Variants in GIP observed in about 807,000 individuals in gnomAD.
GIP encodes the protein glucose-dependent insulinotropic polypeptide.
Under a neutral mutation model 18.1 loss-of-function variants are expected in GIP, and 16 were observed. The observed-to-expected ratio is 0.88, with a 90% CI of 0.60 to 1.34. The LOEUF (loss-of-function observed/expected upper bound fraction) is 1.34. Among genes scored for constraint, GIP ranks in the 40% most tolerant of loss-of-function variants. GIP has a pLI of 0.00. For missense variants in GIP, 192 were observed against 183.4 expected (o/e 1.05, Z -0.27); for synonymous variants, 76 against 74.0 (o/e 1.03, Z -0.14).
In GIP at chr17:48,958,569, C is replaced by T; in HGVS notation, c.*138G>A. The T allele has an allele frequency of 1.4e-6, 1 of 701,966 alleles. No individual in the cohort carries two copies. Among genetic ancestry groups the T allele is most frequent in the Non-Finnish European group, 2.6e-6 (1 of 389,588 alleles). The allele number at this position is 701,966 out of a possible 1,614,324, so 43.5% of individuals were successfully genotyped here. A position where few individuals can be genotyped will look rare whatever the true frequency, so the allele number is the denominator to read the frequency against. ...ACATGCCCTGTTAGTGCTCAGTAGT[C>T]ATTTTAATAAATTTTCACAATGGGC... is the stretch of plus-strand genomic sequence containing the variant. On this transcript the variant is annotated 3_prime_UTR_variant, in exon 6 of 6. Coordinates refer to ENST00000357424, the MANE Select transcript of GIP (RefSeq NM_004123.3).
At position 48,960,908 on chromosome 17, in the gene GIP, G is replaced by A; in HGVS notation, c.430C>T (p.Gln144Ter). The A allele has an allele frequency of 1.2e-6, 2 of 1,604,054 alleles. No homozygotes were observed. Among genetic ancestry groups the A allele is most frequent in the Non-Finnish European group, 1.7e-6 (2 of 1,174,940 alleles). Reference sequence around the variant, plus strand: ...TACCTGAGCCTGCAGAGGTTTGTCTGATCCAGCAAGCAGGCCAACAGCTCT... The same window carrying A: ...TACCTGAGCCTGCAGAGGTTTGTCTAATCCAGCAAGCAGGCCAACAGCTCT... ...IQELLACLLD[Q>*]TNLCRLRSR The change falls in exon 5 of 6, where the codon CAG (glutamine) becomes TAG (stop). Residue 144 changes from glutamine (Q) to a stop codon, truncating the protein, a stop_gained. Transcript: ENST00000357424. LOFTEE classifies it high-confidence loss of function.
chr17:48,964,215 C>T (rs1363462556), intron 3 of GIP, 95 bp downstream of exon 3: 7 of 803,028 alleles, frequency 8.7e-6, no homozygotes, highest in Non-Finnish European at 1.2e-5. Context: ...GGTTGTGCAT[C>T]ATGTGGCCTG....
chr17:48,963,347 C>T (rs902762693), intron 3 of GIP, among the ~76,000 whole-genome samples: 4 of 151,740 alleles, frequency 2.6e-5, no homozygotes, highest in African/African-American at 9.7e-5. Context: ...CAACATGGAA[C>T]CCCGTCTCTA....
At chr17:48,963,118 AG>A (rs2041210557) in intron 3 of GIP, among the ~76,000 whole-genome samples, 1 of 151,940 alleles carries the variant, frequency 6.6e-6, no homozygotes, top group African/African-American at 2.4e-5. Flanking sequence ...TCAAAAAAAA[AG>A]AAGTAAAGGA....
At chr17:48,964,785 C>T (rs1230376156) in intron 2 of GIP, among the ~76,000 whole-genome samples, 1 of 152,020 alleles carries the variant, frequency 6.6e-6, no homozygotes, top group Non-Finnish European at 1.5e-5. Flanking sequence ...CACCTGAGGT[C>T]GGGATCGAGA....
At chr17:48,966,385 A>G (rs1252034414) in intron 2 of GIP, among the ~76,000 whole-genome samples, 1 of 151,426 alleles carries the variant, frequency 6.6e-6, no homozygotes, top group East Asian at 1.9e-4. Context: ...GTGAAACCCC[A>G]TCTCTACTAA....
intron 2 of GIP, among the ~76,000 whole-genome samples, chr17:48,966,308 C>A (rs566656560): frequency 1.3e-5 from 2 of 148,880 alleles, no homozygotes; most frequent in Non-Finnish European, 3.0e-5. Context: ...TCAATCCCAG[C>A]GCTTTGGGAG....
chr17:48,967,152 G>A lies in GIP; in HGVS notation c.81C>T (p.His27=). 6.2e-7 allele frequency: 1 copy of A among 1,610,946 alleles called. No homozygotes were observed. Among genetic ancestry groups the A allele is most frequent in the East Asian group, 2.2e-5 (1 of 44,844 alleles). Residue 27 remains histidine (H), a synonymous_variant, in exon 2 of 6, where the codon CAC becomes CAT. Coordinates refer to ENST00000357424, the MANE Select transcript of GIP (RefSeq NM_004123.3). ...TTTCCTCTCACCACTCCTACCTGAAGTGACCCTCTTTCTTCTCTCCTAGTC... is the reference window on the plus strand; with the variant it reads ...TTTCCTCTCACCACTCCTACCTGAAATGACCCTCTTTCTTCTCTCCTAGTC... ...AVGLGEKKEG[H]FSALPSLPVG... is the part of the protein sequence containing the mutation.
intron 5 of GIP, among the ~76,000 whole-genome samples, chr17:48,959,640 A>C (rs2041188792): frequency 6.6e-6 from 1 of 152,226 alleles, no homozygotes; most frequent in Non-Finnish European, 1.5e-5. Flanking sequence ...TGAAGCCAGC[A>C]GTGGCCACAG....
chr17:48,967,667 C>G (rs2041242538), intron 1 of GIP, among the ~76,000 whole-genome samples: 1 of 151,486 alleles, frequency 6.6e-6, no homozygotes, highest in Non-Finnish European at 1.5e-5. Flanking sequence ...CAGTTTGGAC[C>G]TTTTCTAAGA....
At chr17:48,961,945 G>A in intron 3 of GIP, 126 bp from the exon 4 acceptor site, 1 of 675,848 alleles carries the variant, frequency 1.5e-6, no homozygotes. Context: ...ACCTAACAGT[G>A]GTCTTCAGCT....
rs145467460 is a variant in GIP, at chr17:48,967,194, G to A, written c.39C>T (p.Ser13=). 64 of 1,613,800 alleles carry A rather than the reference G, an allele frequency of 4.0e-5. No homozygotes were observed. Among genetic ancestry groups the A allele is most frequent in the Middle Eastern group, 1.6e-4 (1 of 6,084 alleles). ...CTCCTAGTCCCACTGCCAGGAACAG[G>A]GACAGCAGCAGCAGAGCAAAGGTCT... ...ATKTFALLLL[S]LFLAVGLGEK... is the part of the protein sequence containing the mutation. Residue 13 remains serine (S), a synonymous_variant, in exon 2 of 6, where the codon TCC becomes TCT. Coordinates refer to ENST00000357424, the MANE Select transcript of GIP (RefSeq NM_004123.3).
intron 3 of GIP, among the ~76,000 whole-genome samples, chr17:48,962,393 G>T (rs945502568): frequency 6.6e-6 from 1 of 151,654 alleles, no homozygotes; most frequent in South Asian, 2.1e-4. Context: ...TCTTTGAGAC[G>T]GAGTCTCGCT....
intron 2 of GIP, among the ~76,000 whole-genome samples, 180 bp downstream of exon 2, chr17:48,966,967 A>T (rs2041238792): frequency 6.6e-6 from 1 of 152,248 alleles, no homozygotes; most frequent in South Asian, 2.1e-4. Context: ...GCAGCACACA[A>T]TAAATCCTCT....
chr17:48,961,968 G>A (rs1598103240), intron 3 of GIP, 149 bp from the exon 4 acceptor site: 1 of 645,602 alleles, frequency 1.5e-6, no homozygotes, highest in Admixed American at 2.4e-5. Context: ...CTCCACCAGT[G>A]AACAGCTTTT....
Position 48,965,509 on chromosome 17 carries a change from G to T in GIP, c.87-1029C>A, listed in dbSNP as rs1009765423. On this transcript the variant is annotated intron_variant, in intron 2 of 5. Transcript: ENST00000357424. Reference sequence around the variant, plus strand: ...AGTCCCAGCTACTTGGGAGGCTGAGGCAGGAGAATGGCGTGAACCCAGGAG... The same window carrying T: ...AGTCCCAGCTACTTGGGAGGCTGAGTCAGGAGAATGGCGTGAACCCAGGAG... Among the ~76,000 whole-genome samples the T allele has an allele frequency of 1.6e-4, 24 of 150,532 alleles. 1 individual carries two copies. The highest frequency in any genetic ancestry group is 3.4e-3 in the Middle Eastern group (1 of 292).
intron 1 of GIP, 85 bp downstream of exon 1, chr17:48,968,432 T>C (rs1295165567): frequency 6.6e-6 from 1 of 152,110 alleles, no homozygotes; most frequent in Admixed American, 6.6e-5. Flanking sequence ...AAAACTAAGA[T>C]GCCAGGGCTG....
chr17:48,961,664 A>G, intron 4 of GIP, 63 bp downstream of exon 4: 1 of 1,009,294 alleles, frequency 9.9e-7, no homozygotes, highest in Non-Finnish European at 1.5e-6. Flanking sequence ...GGGAGAGGGA[A>G]CAAAGAGGTG....
At chr17:48,962,221 C>T (rs1386372651) in intron 3 of GIP, among the ~76,000 whole-genome samples, 1 of 152,040 alleles carries the variant, frequency 6.6e-6, no homozygotes, top group East Asian at 1.9e-4. Flanking sequence ...AGGCAGGCAT[C>T]ACCACACCCA....
Sources: gnomAD v4.1 joint callset for allele counts (sites outside exome capture counted in the v4.1 genomes callset) on GRCh38, gnomAD v4.1.1 for gene constraint, MANE v1.5 for transcripts, NCBI Gene and HGNC (gene_info 2026-07-23, HGNC 2026-07-21) for gene names.